The following RBFOX1 variants were observed in gnomAD, a reference collection of about 807,000 sequenced individuals.
The protein encoded by RBFOX1 is RNA binding protein fox-1 homolog 1.
RBFOX1 carries 8 observed loss-of-function variants against 57.7 expected under a neutral mutation model. The ratio of observed to expected loss-of-function variants is 0.14; its 90% CI spans 0.08 to 0.25. The LOEUF (loss-of-function observed/expected upper bound fraction) is 0.25, where lower values mean the gene tolerates loss of function less well. Ranked by LOEUF, RBFOX1 falls within the 10% of genes least tolerant of loss-of-function variation. The pLI is 1.00. For synonymous variants in RBFOX1, 326 were observed against 222.4 expected, an observed-to-expected ratio of 1.47 and a Z score of -4.15; for missense variants, 611 against 548.5, an observed-to-expected ratio of 1.11 and a Z score of -1.14.
chr16:7,459,592 A>G (rs573975692), intron 4 of RBFOX1, among the ~76,000 whole-genome samples: 4 of 152,300 alleles, frequency 2.6e-5, no homozygotes, highest in African/African-American at 7.2e-5. Flanking sequence ...TATTGCAGCC[A>G]TTCACCTTAT....
chr16:7,432,133 C>T (rs1034818309), intron 4 of RBFOX1, among the ~76,000 whole-genome samples: 1 of 152,338 alleles, frequency 6.6e-6, no homozygotes. Flanking sequence ...GGTCATCCAA[C>T]TCATTGTCAG....
rs17139917 is a variant in RBFOX1 at position 6,359,483 on chromosome 16, G to A, written c.-64+42426G>A. Among the ~76,000 whole-genome samples the A allele has an allele frequency of 1.6e-3, 248 of 152,296 alleles. 4 individuals are homozygous for A. Among genetic ancestry groups the A allele is most frequent in the African/African-American group, 5.7e-3 (236 of 41,552 alleles). ...CTGATAGGAGGATTTGCAGTGACTT[G>A]TCTTAGGATGGGAGCACATTCTCAT... On this transcript the variant is annotated intron_variant, in intron 2 of 15. Transcript: ENST00000550418.
intron 1 of RBFOX1, among the ~76,000 whole-genome samples, chr16:6,290,974 T>C (rs2077409430): frequency 6.6e-6 from 1 of 152,114 alleles, no homozygotes; most frequent in Non-Finnish European, 1.5e-5. Context: ...TTGCCTATTT[T>C]TGTGGTTATT....
At chr16:6,477,226 C>T (rs560012310) in intron 2 of RBFOX1, among the ~76,000 whole-genome samples, 12 of 152,262 alleles carry the variant, frequency 7.9e-5, no homozygotes, top group Admixed American at 3.3e-4. Context: ...ATCTCAAAAG[C>T]GAATATTTTT....
chr16:5,297,133 A>G (rs1005565978), intron 1 of RBFOX1, among the ~76,000 whole-genome samples: 5 of 152,258 alleles, frequency 3.3e-5, no homozygotes, highest in Admixed American at 6.5e-5. Flanking sequence ...TCCATTGTGT[A>G]TATATTCCTT....
chr16:5,355,723 A>G (rs1246468122), intron 1 of RBFOX1, among the ~76,000 whole-genome samples: 1 of 152,160 alleles, frequency 6.6e-6, no homozygotes, highest in African/African-American at 2.4e-5. Flanking sequence ...GTCTTTACAG[A>G]TATAATAAAG....
At chr16:7,127,097 T>G (rs2068782193) in intron 4 of RBFOX1, among the ~76,000 whole-genome samples, 2 of 151,100 alleles carry the variant, frequency 1.3e-5, no homozygotes, top group Non-Finnish European at 3.0e-5. Flanking sequence ...CAGCTATGAC[T>G]GAGGGGAGCA....
intron 4 of RBFOX1, among the ~76,000 whole-genome samples, chr16:7,418,816 CCT>C (rs1568777020): frequency 1.3e-5 from 2 of 152,210 alleles, no homozygotes; most frequent in East Asian, 3.9e-4. Flanking sequence ...GTCTCTCTCA[CCT>C]CTTTTTTCTC....
chr16:6,871,085 C>T (rs2060784356), intron 3 of RBFOX1, among the ~76,000 whole-genome samples: 1 of 152,166 alleles, frequency 6.6e-6, no homozygotes, highest in Non-Finnish European at 1.5e-5. Flanking sequence ...GACAAGATGA[C>T]TTATCTTTCT....
intron 3 of RBFOX1, among the ~76,000 whole-genome samples, chr16:6,809,180 C>T (rs1026274414): frequency 6.6e-6 from 1 of 152,150 alleles, no homozygotes; most frequent in African/African-American, 2.4e-5. Context: ...TTCCCTTTTT[C>T]TGTCTATGAA....
At chr16:5,286,950 G>C (rs2063410125) in intron 1 of RBFOX1, among the ~76,000 whole-genome samples, 1 of 152,090 alleles carries the variant, frequency 6.6e-6, no homozygotes, top group Non-Finnish European at 1.5e-5. Context: ...CCTGGGGCTG[G>C]GCCAACTTTT....
At chr16:5,702,334 C>T (rs1379519020) in intron 3 of RBFOX1, among the ~76,000 whole-genome samples, 3 of 152,108 alleles carry the variant, frequency 2.0e-5, no homozygotes, top group Non-Finnish European at 2.9e-5. Context: ...CATCAGATCT[C>T]GTGAGAACTC....
chr16:7,256,251 C>A (rs1284059161), intron 4 of RBFOX1, among the ~76,000 whole-genome samples: 1 of 152,168 alleles, frequency 6.6e-6, no homozygotes, highest in South Asian at 2.1e-4. Context: ...AACCCCTGCT[C>A]CCAAAAGCCA....
intron 3 of RBFOX1, among the ~76,000 whole-genome samples, chr16:6,685,806 A>G (rs549131423): frequency 1.2e-4 from 19 of 152,182 alleles, no homozygotes; most frequent in African/African-American, 2.9e-4. Context: ...CCTTCACTCA[A>G]TGTTGTTTTC....
chr16:7,342,798 C>T (rs568066528), intron 4 of RBFOX1, among the ~76,000 whole-genome samples: 2 of 152,224 alleles, frequency 1.3e-5, no homozygotes, highest in South Asian at 2.1e-4. Context: ...AAGCCACCAT[C>T]CTCTTCCCAC....
At chr16:6,616,556 G>A (rs1481184898) in intron 2 of RBFOX1, among the ~76,000 whole-genome samples, 1 of 152,132 alleles carries the variant, frequency 6.6e-6, no homozygotes, top group African/African-American at 2.4e-5. Context: ...GGCGTCTGTA[G>A]TCCCAGGTAC....
chr16:5,345,216 A>T (rs1242187088), intron 1 of RBFOX1, among the ~76,000 whole-genome samples: 1 of 151,912 alleles, frequency 6.6e-6, no homozygotes, highest in Non-Finnish European at 1.5e-5. Flanking sequence ...TTTAGTTCTC[A>T]TTCCGCTTTG....
chr16:7,262,458 C>T (rs967016797), intron 4 of RBFOX1, among the ~76,000 whole-genome samples: 1 of 152,216 alleles, frequency 6.6e-6, no homozygotes. Flanking sequence ...GGATATATGT[C>T]TATAGATGTG....
chr16:5,972,926 C>T (rs1036475317), intron 4 of RBFOX1, among the ~76,000 whole-genome samples: 1 of 152,166 alleles, frequency 6.6e-6, no homozygotes, highest in East Asian at 1.9e-4. Flanking sequence ...TTTCCACAGA[C>T]AAAAACAGGG....
Sources: allele counts gnomAD v4.1 joint callset (sites outside exome capture counted in the v4.1 genomes callset), GRCh38; gene constraint gnomAD v4.1.1; transcripts MANE v1.5; gene names NCBI Gene and HGNC (gene_info 2026-07-23, HGNC 2026-07-21).